The following PCDHA8 variants were observed in gnomAD, a reference collection of about 807,000 sequenced individuals.
PCDHA8 encodes protocadherin alpha 8.
A neutral mutation model predicts 61.8 loss-of-function variants in PCDHA8; 53 were observed. The ratio of observed to expected loss-of-function variants is 0.86; its 90% CI spans 0.69 to 1.08. The LOEUF is 1.08. Among genes scored for constraint, PCDHA8 ranks in the 50% least tolerant of loss-of-function variants. PCDHA8 has a pLI of 0.00. For missense variants in PCDHA8, 1,293 were observed against 1,245.0 expected, an observed-to-expected ratio of 1.04 and a Z score of -0.58; for synonymous variants, 618 against 556.6, an observed-to-expected ratio of 1.11 and a Z score of -1.55.
At chr5:140,919,945 A>G (rs1456572905) in intron 1 of PCDHA8, among the ~76,000 whole-genome samples, 1 of 151,572 alleles carries the variant, frequency 6.6e-6, no homozygotes, top group Non-Finnish European at 1.5e-5. Flanking sequence ...ATTCCAGTGA[A>G]AAGTTTGTTT....
chr5:140,968,744 G>A (rs782484391), intron 1 of PCDHA8: 20 of 1,614,164 alleles, frequency 1.2e-5, no homozygotes, highest in East Asian at 2.2e-5. Context: ...CAACCTGACC[G>A]TGGTGGTCCG....
In PCDHA8 at chr5:140,917,987, A is replaced by G. The variant is rs140618239; in HGVS notation, c.2395-60962A>G. 3.9e-3 allele frequency among the ~76,000 whole-genome samples: 598 copies of G among 152,198 alleles called. 2 individuals are homozygous for G. The highest frequency in any genetic ancestry group is 5.9e-3 in the Admixed American group (90 of 15,276). ...GAATCTGTGAATTGCTTTGGACAGT[A>G]TGGTTATCTTAACAATGTTGTTTCT... On this transcript the variant is annotated intron_variant, in intron 1 of 3. Coordinates refer to ENST00000531613, the MANE Select transcript of PCDHA8 (RefSeq NM_018911.3).
rs562081561 is a variant in PCDHA8 at position 140,927,834 on chromosome 5, C to T, written c.2395-51115C>T. 1.2e-5 allele frequency: 19 copies of T among 1,614,138 alleles called. No homozygotes were observed. In the East Asian group the frequency reaches 2.2e-4, roughly 19 times the overall value. ...TGGAGGCATACATTGAGGCGAGGGA[C>T]GAAGGTGTCTTTGGTTTAGCTAGCA... On this transcript the variant is annotated intron_variant, in intron 1 of 3. Coordinates refer to ENST00000531613, the MANE Select transcript of PCDHA8 (RefSeq NM_018911.3).
In PCDHA8 at chr5:140,843,196, G is replaced by A. The variant is rs2150355144; in HGVS notation, c.1875G>A (p.Gly625=). 2.5e-6 allele frequency: 4 copies of A among 1,595,956 alleles called. No individual in the cohort carries two copies. The highest frequency in any genetic ancestry group is 3.4e-6 in the Non-Finnish European group (4 of 1,165,600). ...ASSPRIPFRV[G]LYTGEISTTR... ...GCCCTCGCATCCCGTTCCGCGTGGG[G>A]CTGTACACGGGCGAGATCAGCACCA... The change falls in exon 1 of 4, where the codon GGG becomes GGA. Residue 625 remains glycine (G), a synonymous_variant. Transcript: ENST00000531613.
chr5:140,954,025 C>A (rs533473552), intron 1 of PCDHA8, among the ~76,000 whole-genome samples: 1 of 152,072 alleles, frequency 6.6e-6, no homozygotes, highest in African/African-American at 2.4e-5. Context: ...CATAGTGGGA[C>A]GATGTGGTAT....
intron 1 of PCDHA8, chr5:140,929,227 G>T (rs141300036): frequency 1.2e-6 from 2 of 1,613,774 alleles, no homozygotes; most frequent in Non-Finnish European, 1.7e-6. Context: ...CAATGCTGCC[G>T]ACCTGCGAAA....
At chr5:140,886,545 C>T (rs894582397) in intron 1 of PCDHA8, among the ~76,000 whole-genome samples, 5 of 151,964 alleles carry the variant, frequency 3.3e-5, no homozygotes, top group Non-Finnish European at 7.4e-5. Flanking sequence ...AAGGTCTTCC[C>T]AGCTGGGCAC....
chr5:140,869,249 C>T (rs1554162740), intron 1 of PCDHA8: 2 of 1,613,496 alleles, frequency 1.2e-6, no homozygotes, highest in Admixed American at 3.3e-5. Flanking sequence ...GGCCGCATCG[C>T]GCAGGACCTG....
Position 140,843,045 on chromosome 5 carries a change from G to A in PCDHA8, c.1724G>A (p.Gly575Asp), listed in dbSNP as rs1219663342. 6.3e-7 allele frequency: 1 copy of A among 1,594,956 alleles called. No homozygotes were observed. The highest frequency in any genetic ancestry group is 8.6e-7 in the Non-Finnish European group (1 of 1,165,288). The change falls in exon 1 of 4, where the codon GGC becomes GAC. Residue 575 changes from glycine to aspartate, a missense_variant. Gly to Asp is a moderately conservative substitution (Grantham distance 94). Transcript: ENST00000531613. Reference protein sequence around the residue: ...LLEPRVGGTGGAASKLVPRSV... With the variant: ...LLEPRVGGTGDAASKLVPRSV... ...GAGCCTCGGGTGGGTGGCACTGGTG[G>A]CGCAGCGAGCAAGCTGGTGCCGCGG...
chr5:140,972,056 G>A (rs995898254), intron 1 of PCDHA8, among the ~76,000 whole-genome samples: 8 of 152,106 alleles, frequency 5.3e-5, no homozygotes, highest in Non-Finnish European at 1.2e-4. Flanking sequence ...TCACCTAGTC[G>A]TATATATTAA....
intron 1 of PCDHA8, among the ~76,000 whole-genome samples, chr5:140,976,011 CTAAA>C (rs2096695708): frequency 6.6e-6 from 1 of 152,110 alleles, no homozygotes; most frequent in African/African-American, 2.4e-5. Context: ...TATTAAAGAA[CTAAA>C]TAATCACAGT....
chr5:140,890,635 C>G (rs1015207309), intron 1 of PCDHA8, among the ~76,000 whole-genome samples: 1 of 152,114 alleles, frequency 6.6e-6, no homozygotes, highest in Non-Finnish European at 1.5e-5. Flanking sequence ...AAGCATGTAT[C>G]CTTGATATAT....
intron 1 of PCDHA8, among the ~76,000 whole-genome samples, chr5:140,944,732 G>A (rs1351639657): frequency 6.6e-6 from 1 of 152,142 alleles, no homozygotes; most frequent in Non-Finnish European, 1.5e-5. Context: ...ACCTTAGTAA[G>A]TCTGAGCATT....
intron 1 of PCDHA8, chr5:140,882,520 G>C (rs2059167404): frequency 6.2e-7 from 1 of 1,614,218 alleles, no homozygotes; most frequent in Admixed American, 1.7e-5. Context: ...ATGGCATTTT[G>C]TTTGTGAATT....
At chr5:140,860,269 T>C (rs1278960733) in intron 1 of PCDHA8, 1 of 151,996 alleles carries the variant, frequency 6.6e-6, no homozygotes, top group South Asian at 2.1e-4. Flanking sequence ...ACTGTAGTGC[T>C]ACTTGGGAGG....
intron 1 of PCDHA8, among the ~76,000 whole-genome samples, chr5:140,879,038 AAGAT>A (rs2057824267): frequency 6.6e-6 from 1 of 152,380 alleles, no homozygotes; most frequent in Admixed American, 6.5e-5. Flanking sequence ...AGTGTCTTGA[AAGAT>A]AGACAACATT....
At chr5:140,862,839 G>A in intron 1 of PCDHA8, 1 of 574,670 alleles carries the variant, frequency 1.7e-6, no homozygotes, top group Non-Finnish European at 3.3e-6. Flanking sequence ...ACGCGGGCAT[G>A]CCGCCTCTGA....
chr5:140,929,645 C>G (rs1271694172), intron 1 of PCDHA8: 1 of 366,374 alleles, frequency 2.7e-6, no homozygotes, highest in Non-Finnish European at 5.0e-6. Context: ...ATGTGTAAGG[C>G]ACTCTAATAT....
intron 1 of PCDHA8, among the ~76,000 whole-genome samples, chr5:140,934,476 AATTAT>A (rs2089852464): frequency 6.6e-6 from 1 of 152,124 alleles, no homozygotes. Flanking sequence ...TTATTTTGAA[AATTAT>A]ATTCACCTCA....
Sources: gnomAD v4.1 joint callset for allele counts (sites outside exome capture counted in the v4.1 genomes callset) on GRCh38, gnomAD v4.1.1 for gene constraint, MANE v1.5 for transcripts, NCBI Gene and HGNC (gene_info 2026-07-23, HGNC 2026-07-21) for gene names.